Variants in PRKN observed in about 807,000 individuals in gnomAD.
The protein encoded by PRKN is parkin RBR E3 ubiquitin protein ligase.
Under a neutral mutation model 59.5 loss-of-function variants are expected in PRKN, and 56 were observed. The observed-to-expected ratio is 0.94, with a 90% CI of 0.76 to 1.18. The LOEUF (loss-of-function observed/expected upper bound fraction) is 1.18. PRKN is among the 50% of genes most tolerant of loss of function. The pLI, the probability that PRKN is intolerant of heterozygous loss-of-function variation, is 0.00. For missense variants in PRKN, 657 were observed against 596.4 expected, an observed-to-expected ratio of 1.10 and a Z score of -1.06; for synonymous variants, 250 against 222.1, an observed-to-expected ratio of 1.13 and a Z score of -1.12.
intron 1 of PRKN, among the ~76,000 whole-genome samples, chr6:162,529,614 G>C (rs73037984): frequency 6.6e-6 from 1 of 152,048 alleles, no homozygotes; most frequent in Non-Finnish European, 1.5e-5. Context: ...AGGGACTTAC[G>C]GACAGAAGCC....
chr6:161,601,595 T>C (rs1233589543), intron 7 of PRKN, among the ~76,000 whole-genome samples: 1 of 152,022 alleles, frequency 6.6e-6, no homozygotes, highest in Admixed American at 6.5e-5. Flanking sequence ...ATTTTTTTTT[T>C]TTTTTTGGAC....
At position 161,372,168 on chromosome 6, in the gene PRKN, T is replaced by G. The variant is rs1451748177; in HGVS notation, c.1168-11963A>C. Among the ~76,000 whole-genome samples, 1 of 152,244 alleles carries G rather than the reference T, an allele frequency of 6.6e-6. No homozygotes were observed. Among genetic ancestry groups the G allele is most frequent in the Non-Finnish European group, 1.5e-5 (1 of 68,040 alleles). ...AGAATTATTAATAGGTACCATTTAT[T>G]GGTTATTTTAAAAGTGCTTTGTGTT... On this transcript the variant is annotated intron_variant, in intron 10 of 11. Transcript: ENST00000366898. The surrounding 1 kb of genome is among the most constrained non-coding windows in gnomAD (Gnocchi z 4.2).
intron 5 of PRKN, among the ~76,000 whole-genome samples, chr6:161,973,683 T>G (rs983393746): frequency 2.0e-5 from 3 of 152,152 alleles, no homozygotes; most frequent in Admixed American, 2.0e-4. Context: ...GTGACCTTCT[T>G]TAAGCCATGC....
chr6:161,433,841 AC>A (rs1441028974), intron 9 of PRKN, among the ~76,000 whole-genome samples: 1 of 151,910 alleles, frequency 6.6e-6, no homozygotes, highest in Non-Finnish European at 1.5e-5. Context: ...ACATGATGAA[AC>A]CCCATCTCTG....
chr6:162,472,209 C>G (rs1791780332), intron 1 of PRKN, among the ~76,000 whole-genome samples: 2 of 151,136 alleles, frequency 1.3e-5, no homozygotes, highest in Non-Finnish European at 3.0e-5. Context: ...CAAACTCAAA[C>G]TTTTTTTTTA....
chr6:161,500,876 C>T (rs146254633), intron 9 of PRKN, among the ~76,000 whole-genome samples: 18,258 of 115,436 alleles, frequency 0.16, 1,888 homozygotes, highest in Middle Eastern at 0.24. Context: ...TTTTTTTTTT[C>T]TTTTTTTTTT....
chr6:161,495,277 A>AT lies in PRKN; in HGVS notation c.1083+53576dup, dbSNP rs1777705999. On this transcript the variant is annotated intron_variant, in intron 9 of 11. Coordinates refer to ENST00000366898, the MANE Select transcript of PRKN (RefSeq NM_004562.3). Reference sequence around the variant, plus strand: ...GCTAGTGGCCACTGCATTGCCCGGCATATCCTAGGGGAGGGAAGGAATCCT... The same window carrying AT: ...GCTAGTGGCCACTGCATTGCCCGGCATTATCCTAGGGGAGGGAAGGAATCCT... 7.2e-5 allele frequency among the ~76,000 whole-genome samples: 11 copies of AT among 152,292 alleles called. No homozygotes were observed. In the South Asian group the frequency reaches 2.3e-3, roughly 32 times the overall value.
chr6:161,613,756 A>G (rs2128147794), intron 7 of PRKN, among the ~76,000 whole-genome samples: 1 of 152,322 alleles, frequency 6.6e-6, no homozygotes. Context: ...CTGAATCTGC[A>G]ATATCTCTGA....
At chr6:162,339,252 GC>G (rs1378239186) in intron 2 of PRKN, among the ~76,000 whole-genome samples, 3 of 144,512 alleles carry the variant, frequency 2.1e-5, no homozygotes, top group Non-Finnish European at 3.1e-5. Context: ...GTGGGGGTCA[GC>G]CCCCCGCCCG....
intron 6 of PRKN, among the ~76,000 whole-genome samples, chr6:161,824,706 C>T (rs567139385): frequency 5.9e-5 from 9 of 152,126 alleles, no homozygotes; most frequent in African/African-American, 1.7e-4. Flanking sequence ...TAATGAACTG[C>T]GTGTAGCAAT....
At chr6:162,297,065 A>C (rs1172456224) in intron 2 of PRKN, among the ~76,000 whole-genome samples, 1 of 152,216 alleles carries the variant, frequency 6.6e-6, no homozygotes, top group Non-Finnish European at 1.5e-5. Flanking sequence ...GGCCCAGTCG[A>C]AATTAATCCC....
At chr6:161,765,095 T>G (rs1325926810) in intron 7 of PRKN, among the ~76,000 whole-genome samples, 1 of 152,226 alleles carries the variant, frequency 6.6e-6, no homozygotes, top group Non-Finnish European at 1.5e-5. Flanking sequence ...CTCATTTCAG[T>G]CTCACTGGTA....
At chr6:162,243,042 C>G (rs1779050954) in intron 3 of PRKN, among the ~76,000 whole-genome samples, 1 of 151,752 alleles carries the variant, frequency 6.6e-6, no homozygotes, top group African/African-American at 2.4e-5. Context: ...GCCAATCTTG[C>G]AGACTTGTAG....
intron 7 of PRKN, among the ~76,000 whole-genome samples, chr6:161,598,569 C>T (rs1265992597): frequency 6.6e-6 from 1 of 152,148 alleles, no homozygotes. Flanking sequence ...CATATACACG[C>T]ATATGATTTC....
At chr6:162,051,923 G>A (rs892882161) in intron 5 of PRKN, among the ~76,000 whole-genome samples, 1 of 152,198 alleles carries the variant, frequency 6.6e-6, no homozygotes, top group African/African-American at 2.4e-5. Context: ...TGTGACAGCT[G>A]TGATGGCTTC....
At chr6:162,439,487 C>G (rs1394774171) in intron 2 of PRKN, among the ~76,000 whole-genome samples, 1 of 152,032 alleles carries the variant, frequency 6.6e-6, no homozygotes, top group Admixed American at 6.6e-5. Flanking sequence ...AAAGAAAACT[C>G]AAGAAATTCA....
chr6:162,671,491 C>G (rs1049288314), intron 1 of PRKN, among the ~76,000 whole-genome samples: 1 of 119,408 alleles, frequency 8.4e-6, no homozygotes, highest in Non-Finnish European at 1.7e-5. Flanking sequence ...GAGCGAGACT[C>G]TGTCTCAAAA....
intron 4 of PRKN, among the ~76,000 whole-genome samples, chr6:162,192,548 G>T (rs892657633): frequency 1.4e-5 from 2 of 146,066 alleles, no homozygotes; most frequent in Admixed American, 7.0e-5. Flanking sequence ...GACTTTCCAG[G>T]CTCAATGGAT....
intron 1 of PRKN, among the ~76,000 whole-genome samples, chr6:162,637,836 T>C (rs915356980): frequency 7.9e-5 from 12 of 152,184 alleles, no homozygotes; most frequent in Non-Finnish European, 1.8e-4. Flanking sequence ...TAAATTTACT[T>C]TGTTGATACT....
Sources: gnomAD v4.1 joint callset for allele counts (sites outside exome capture counted in the v4.1 genomes callset) on GRCh38, gnomAD v4.1.1 for gene constraint, Gnocchi (gnomAD v3.1) non-coding constraint, MANE v1.5 for transcripts, NCBI Gene and HGNC (gene_info 2026-07-23, HGNC 2026-07-21) for gene names.